GREB1: variants seen among roughly 807,000 people sequenced by gnomAD.
GREB1 encodes protein GREB1.
In GREB1, 106 loss-of-function variants were observed where a neutral mutation model predicts 200.7. The ratio of observed to expected loss-of-function variants is 0.53; its 90% CI spans 0.45 to 0.62. GREB1 has a LOEUF of 0.62. GREB1 is among the 20% of genes least tolerant of loss of function. The pLI is 0.00. For synonymous variants in GREB1, 1,132 were observed against 1,092.4 expected (o/e 1.04, Z -0.72); for missense variants, 2,243 against 2,556.8 (o/e 0.88, Z 2.65).
intron 15 of GREB1, among the ~76,000 whole-genome samples, chr2:11,600,424 A>G (rs538911385): frequency 4.6e-5 from 7 of 152,274 alleles, no homozygotes; most frequent in Middle Eastern, 3.4e-3. Flanking sequence ...GGATCATTTC[A>G]AGGTCAGAAG....
chr2:11,498,124 A>G (rs995577973), intron 1 of GREB1, among the ~76,000 whole-genome samples: 6 of 151,466 alleles, frequency 4.0e-5, no homozygotes, highest in East Asian at 1.9e-4. Context: ...ATGAAGTCCA[A>G]TGTATCCACT....
chr2:11,529,415 C>T (rs1201888874), upstream of GREB1, among the ~76,000 whole-genome samples: 1 of 152,160 alleles, frequency 6.6e-6, no homozygotes, highest in East Asian at 1.9e-4. Flanking sequence ...CCTTTTACAC[C>T]CACCAGACTG....
intron 20 of GREB1, 40 bp downstream of exon 20, chr2:11,615,330 C>T (rs745408897): frequency 2.0e-6 from 3 of 1,500,800 alleles, no homozygotes; most frequent in South Asian, 1.2e-5. Context: ...TCCCTGTCTG[C>T]ATGTCTTTCT....
At chr2:11,610,018 C>T (rs1201518002) in intron 17 of GREB1, among the ~76,000 whole-genome samples, 1 of 152,148 alleles carries the variant, frequency 6.6e-6, no homozygotes. Flanking sequence ...GCCCTGGGGT[C>T]TGTGTGACTA....
chr2:11,585,053 G>GA (rs55893544), intron 7 of GREB1, 108 bp from the exon 8 acceptor site: 164,642 of 449,634 alleles, frequency 0.37, 12,449 homozygotes, highest in Admixed American at 0.44. Flanking sequence ...TCTGTGATTA[G>GA]AAAAAAAAAA....
At position 11,597,822 on chromosome 2, in the gene GREB1, G is replaced by A; in HGVS notation, c.1996G>A (p.Ala666Thr). Reference protein sequence around the residue: ...EPHSIRPFQLAVAQKLLSHVC... With the variant: ...EPHSIRPFQLTVAQKLLSHVC... ...ACACAGCATCCGGCCCTTCCAGCTG[G>A]CAGTAGCGCAGAAGCTCCTCTCCCA... Residue 666 changes from alanine to threonine, a missense_variant, in exon 14 of 33, where the codon GCA becomes ACA. Ala to Thr is a moderately conservative substitution (Grantham distance 58). Around this residue, in one of 3 missense-constraint regions of GREB1, gnomAD observed 1,178 missense variants for 1,387.4 expected, o/e 0.85. Coordinates refer to ENST00000381486, the MANE Select transcript of GREB1 (RefSeq NM_014668.4). The surrounding 1 kb of genome is among the most constrained non-coding windows in gnomAD (Gnocchi z 4.1). 1 of 1,614,198 alleles carries A rather than the reference G, an allele frequency of 6.2e-7. No homozygotes were observed. Among genetic ancestry groups the A allele is most frequent in the Non-Finnish European group, 8.5e-7 (1 of 1,180,032 alleles).
rs2148316961 is a variant in GREB1 at position 11,612,303 on chromosome 2, T to C, written c.3007-192T>C. 4 of 1,310,224 alleles carry C rather than the reference T, an allele frequency of 3.1e-6. No individual in the cohort carries two copies. In the South Asian group the frequency reaches 4.8e-5, roughly 16 times the overall value. 81.2% of individuals were successfully genotyped at this position (1,310,224 alleles called of 1,614,324 possible). A position where few individuals can be genotyped will look rare whatever the true frequency, so the allele number is the denominator to read the frequency against. ...ACATGCTCTGGCTGGCTAATCTCCA[T>C]GTTCTAGCCGACTGAAAATACGGTG... On this transcript the variant is annotated intron_variant, in intron 18 of 32. Coordinates refer to ENST00000381486, the MANE Select transcript of GREB1 (RefSeq NM_014668.4).
intron 10 of GREB1, 115 bp from the exon 11 acceptor site, chr2:11,592,661 C>A: frequency 1.5e-6 from 1 of 649,356 alleles, no homozygotes; most frequent in Non-Finnish European, 2.4e-6. Context: ...CTCCAGCCAT[C>A]TGTGATACGA....
chr2:11,488,087 T>C (rs1482890756), intron 1 of GREB1, among the ~76,000 whole-genome samples: 1 of 152,230 alleles, frequency 6.6e-6, no homozygotes, highest in Non-Finnish European at 1.5e-5. Flanking sequence ...GCATATGCTC[T>C]GCCTGTCTAC....
chr2:11,633,664 C>T lies in GREB1; in HGVS notation c.4992-467C>T, dbSNP rs1685076746. Among the ~76,000 whole-genome samples the T allele has an allele frequency of 6.6e-6, 1 of 151,932 alleles. No homozygotes were observed. The highest frequency in any genetic ancestry group is 1.5e-5 in the Non-Finnish European group (1 of 67,998). On this transcript the variant is annotated intron_variant, in intron 28 of 32. Transcript: ENST00000381486. The surrounding 1 kb of genome is among the most constrained non-coding windows in gnomAD (Gnocchi z 4.1). ...TATAGACAAAAAAGAAAGTATAATACATATACAGAACTTTTCCCAAGCTAA... is the reference window on the plus strand; with the variant it reads ...TATAGACAAAAAAGAAAGTATAATATATATACAGAACTTTTCCCAAGCTAA...
At chr2:11,594,065 G>A (rs1443536649) in intron 11 of GREB1, among the ~76,000 whole-genome samples, 1 of 152,102 alleles carries the variant, frequency 6.6e-6, no homozygotes, top group Non-Finnish European at 1.5e-5. Flanking sequence ...GTGCAGTGGC[G>A]AGATCTTGGC....
chr2:11,621,540 G>C (rs1414776297), intron 23 of GREB1, among the ~76,000 whole-genome samples: 3 of 152,122 alleles, frequency 2.0e-5, no homozygotes, highest in Non-Finnish European at 4.4e-5. Flanking sequence ...CCTGATTAAG[G>C]TCAGTTTCTT....
chr2:11,605,279 G>A (rs1415247702), intron 17 of GREB1, among the ~76,000 whole-genome samples: 1 of 149,584 alleles, frequency 6.7e-6, no homozygotes, highest in Non-Finnish European at 1.5e-5. Flanking sequence ...AGGCTGAAGT[G>A]CAACGGCGCG....
rs1676816678 is a variant in GREB1 at position 11,559,870 on chromosome 2, A to AC, written c.158-2592dup. ...GTAATCTCTTCACACCTTTCCTACCACTCTGTGTCCTCTAAGCCCAGGAAA... is the reference window on the plus strand; with the variant it reads ...GTAATCTCTTCACACCTTTCCTACCACCTCTGTGTCCTCTAAGCCCAGGAAA... On this transcript the variant is annotated intron_variant, in intron 2 of 32. Transcript: ENST00000381486. Among the ~76,000 whole-genome samples, 2 of 151,322 alleles carry AC rather than the reference A, an allele frequency of 1.3e-5. 1 individual carries two copies.
intron 23 of GREB1, among the ~76,000 whole-genome samples, chr2:11,623,386 A>G (rs1466441277): frequency 6.6e-6 from 1 of 152,244 alleles, no homozygotes; most frequent in Non-Finnish European, 1.5e-5. Flanking sequence ...AAAAGCAGTT[A>G]ACTGTAGAAC....
Position 11,562,453 on chromosome 2 carries a change from C to G in GREB1, c.158-10C>G, listed in dbSNP as rs773046805. On this transcript the variant is annotated splice_polypyrimidine_tract_variant and intron_variant, in intron 2 of 32. Coordinates refer to ENST00000381486, the MANE Select transcript of GREB1 (RefSeq NM_014668.4). ...GCTGCCTTGCTCATCACTCTTCTTCCCGCATCTAGGTGGTAGCCGAGTGGA... is the reference window on the plus strand; with the variant it reads ...GCTGCCTTGCTCATCACTCTTCTTCGCGCATCTAGGTGGTAGCCGAGTGGA... The G allele has an allele frequency of 3.1e-6, 5 of 1,611,658 alleles. No homozygotes were observed. The highest frequency in any genetic ancestry group is 3.4e-6 in the Non-Finnish European group (4 of 1,178,850).
intron 1 of GREB1, among the ~76,000 whole-genome samples, chr2:11,499,679 G>A (rs1672977717): frequency 1.3e-5 from 2 of 152,134 alleles, no homozygotes; most frequent in African/African-American, 4.8e-5. Flanking sequence ...TATAAAGCAT[G>A]GAAGAATACA....
intron 1 of GREB1, among the ~76,000 whole-genome samples, chr2:11,528,513 T>C (rs902696622): frequency 1.5e-4 from 23 of 152,300 alleles, no homozygotes; most frequent in African/African-American, 5.5e-4. Context: ...TTTTTTGAGA[T>C]TGAGTCTCGC....
At chr2:11,634,083 T>C in intron 28 of GREB1, 48 bp from the exon 29 acceptor site, 1 of 1,558,904 alleles carries the variant, frequency 6.4e-7, no homozygotes, top group Middle Eastern at 1.7e-4. Context: ...AGGACCTTGC[T>C]GCTGCTCGTG....
Sources: gnomAD v4.1 joint callset for allele counts (sites outside exome capture counted in the v4.1 genomes callset) on GRCh38, gnomAD v4.1.1 for gene constraint, gnomAD v4.1.1 regional missense constraint, Gnocchi (gnomAD v3.1) non-coding constraint, MANE v1.5 for transcripts, NCBI Gene and HGNC (gene_info 2026-07-23, HGNC 2026-07-21) for gene names.